PPM1B: variants seen among roughly 807,000 people sequenced by gnomAD.
PPM1B encodes the protein protein phosphatase, Mg2+/Mn2+ dependent 1B.
PPM1B carries 22 observed loss-of-function variants against 43.0 expected under a neutral mutation model. The observed-to-expected ratio is 0.51, with a 90% CI of 0.37 to 0.73. PPM1B has a LOEUF of 0.73. Among genes scored for constraint, PPM1B ranks in the 30% least tolerant of loss-of-function variants. The pLI is 0.00. For missense variants in PPM1B, 632 were observed against 584.2 expected, an observed-to-expected ratio of 1.08 and a Z score of -0.84; for synonymous variants, 217 against 197.9, an observed-to-expected ratio of 1.10 and a Z score of -0.81.
Position 44,170,973 on chromosome 2 carries a change from G to A in PPM1B, c.-15+1699G>A, listed in dbSNP as rs189391176. Reference sequence around the variant, plus strand: ...CTTTTTTTTTGTCTTAATGGTTGTTGTGTTTTCGCCTCTTCATTTGTTTTT... The same window carrying A: ...CTTTTTTTTTGTCTTAATGGTTGTTATGTTTTCGCCTCTTCATTTGTTTTT... On this transcript the variant is annotated intron_variant, in intron 1 of 5. Coordinates refer to ENST00000282412, the MANE Select transcript of PPM1B (RefSeq NM_002706.6). Among the ~76,000 whole-genome samples the A allele has an allele frequency of 2.9e-3, 435 of 151,918 alleles. 2 individuals carry two copies. The highest frequency in any genetic ancestry group is 0.01 in the African/African-American group (423 of 41,424).
downstream of PPM1B, among the ~76,000 whole-genome samples, chr2:44,239,413 T>C (rs1670698683): frequency 6.6e-6 from 1 of 152,100 alleles, no homozygotes; most frequent in Non-Finnish European, 1.5e-5. Flanking sequence ...TTATGCGAGC[T>C]GCAAAACCTC....
intron 5 of PPM1B, among the ~76,000 whole-genome samples, chr2:44,220,119 A>G (rs1558424530): frequency 6.6e-6 from 1 of 152,122 alleles, no homozygotes; most frequent in Non-Finnish European, 1.5e-5. Flanking sequence ...CAGCTAGATT[A>G]TAGATTCTTC....
At chr2:44,180,106 T>G (rs781317936) in intron 1 of PPM1B, among the ~76,000 whole-genome samples, 2 of 151,576 alleles carry the variant, frequency 1.3e-5, no homozygotes, top group Non-Finnish European at 2.9e-5. Context: ...GGAAGGACAG[T>G]ACTTGAATGG....
At chr2:44,191,086 C>G (rs759969378) in intron 1 of PPM1B, among the ~76,000 whole-genome samples, 3 of 152,172 alleles carry the variant, frequency 2.0e-5, no homozygotes, top group African/African-American at 7.2e-5. Context: ...CACTATTTCC[C>G]TAGAAGTAAG....
intron 1 of PPM1B, among the ~76,000 whole-genome samples, chr2:44,184,840 A>G (rs1668046932): frequency 6.6e-6 from 1 of 151,826 alleles, no homozygotes; most frequent in South Asian, 2.1e-4. Context: ...TCAATGTAGT[A>G]TAGCAATACT....
intron 1 of PPM1B, among the ~76,000 whole-genome samples, chr2:44,172,481 G>C (rs530290429): frequency 1.4e-4 from 21 of 152,284 alleles, no homozygotes; most frequent in African/African-American, 5.1e-4. Context: ...AACAAGAACA[G>C]GTGAAGAAAA....
At chr2:44,232,341 G>T, downstream of PPM1B, 1 of 1,605,192 alleles carries the variant, frequency 6.2e-7, no homozygotes, top group Non-Finnish European at 8.5e-7. Context: ...GAAGACCCAT[G>T]GTAGCCTTAA....
intron 1 of PPM1B, among the ~76,000 whole-genome samples, chr2:44,198,183 C>T (rs1230142550): frequency 3.9e-5 from 6 of 152,068 alleles, no homozygotes; most frequent in Admixed American, 6.5e-5. Flanking sequence ...GTTTTTGAGA[C>T]GGAGTCTTGC....
Position 44,169,059 on chromosome 2 carries a change from G to A in PPM1B, c.-230G>A. 5.9e-6 allele frequency: 1 copy of A among 168,220 alleles called. No individual in the cohort carries two copies. The highest frequency in any genetic ancestry group is 1.8e-4 in the East Asian group (1 of 5,494). 10.4% of individuals were successfully genotyped at this position (168,220 alleles called of 1,614,324 possible). Reference sequence around the variant, plus strand: ...TGCGGCGGAGGAGGTGGCGGCGGCCGAATCGGCAACGGCGCTAGGGTGGAG... The same window carrying A: ...TGCGGCGGAGGAGGTGGCGGCGGCCAAATCGGCAACGGCGCTAGGGTGGAG... On this transcript the variant is annotated 5_prime_UTR_variant, in exon 1 of 6. Coordinates refer to ENST00000282412, the MANE Select transcript of PPM1B (RefSeq NM_002706.6).
chr2:44,196,026 A>G (rs541946557), intron 1 of PPM1B, among the ~76,000 whole-genome samples: 25 of 152,296 alleles, frequency 1.6e-4, no homozygotes, highest in Middle Eastern at 3.4e-3. Flanking sequence ...CAGTATTTGT[A>G]TGCAGTAATA....
intron 3 of PPM1B, among the ~76,000 whole-genome samples, chr2:44,210,450 A>T (rs999560658): frequency 5.3e-5 from 8 of 151,878 alleles, no homozygotes; most frequent in Non-Finnish European, 2.9e-5. Context: ...AAACTCCTGG[A>T]CTCAAGCAGT....
At chr2:44,198,438 G>T (rs1668767024) in intron 1 of PPM1B, among the ~76,000 whole-genome samples, 1 of 152,226 alleles carries the variant, frequency 6.6e-6, no homozygotes, top group Non-Finnish European at 1.5e-5. Context: ...TGGGATTACA[G>T]GCATGAGCCA....
intron 3 of PPM1B, among the ~76,000 whole-genome samples, chr2:44,209,899 G>GAGA (rs975855462): frequency 7.4e-4 from 112 of 152,260 alleles, no homozygotes; most frequent in African/African-American, 2.4e-3. Flanking sequence ...GATTGACAGG[G>GAGA]AGAAGACAAA....
At chr2:44,195,459 GCTAGGCGTCCCAA>G (rs1558403362) in intron 1 of PPM1B, among the ~76,000 whole-genome samples, 1 of 151,520 alleles carries the variant, frequency 6.6e-6, no homozygotes, top group East Asian at 2.0e-4. Context: ...GATCCTCCCA[GCTAGGCGTCCCAA>G]AGTGCTTGGA....
chr2:44,208,494 C>T (rs1008398270), intron 2 of PPM1B, among the ~76,000 whole-genome samples: 1 of 151,900 alleles, frequency 6.6e-6, no homozygotes, highest in African/African-American at 2.4e-5. Flanking sequence ...GGGTGGATCA[C>T]CTGAGGTCAG....
downstream of PPM1B, among the ~76,000 whole-genome samples, chr2:44,235,170 C>G (rs1670576436): frequency 6.6e-6 from 1 of 152,216 alleles, no homozygotes; most frequent in Non-Finnish European, 1.5e-5. Flanking sequence ...TTAAAATCCA[C>G]TGGGTCTGTC....
chr2:44,172,210 G>C (rs568567793), intron 1 of PPM1B, among the ~76,000 whole-genome samples: 1 of 151,964 alleles, frequency 6.6e-6, no homozygotes, highest in African/African-American at 2.4e-5. Flanking sequence ...ATTTCTTTTT[G>C]TTTTTCCCTT....
At chr2:44,232,556 T>C (rs1027344149), downstream of PPM1B, 112 of 1,404,140 alleles carry the variant, frequency 8.0e-5, no homozygotes, top group Middle Eastern at 1.1e-3. Context: ...ACAGTATTTT[T>C]TGCCAACCTC....
intron 2 of PPM1B, among the ~76,000 whole-genome samples, chr2:44,207,255 T>G (rs920987721): frequency 1.3e-5 from 2 of 152,186 alleles, no homozygotes; most frequent in African/African-American, 4.8e-5. Flanking sequence ...CTGAAAGGCA[T>G]AAGTCTGAAC....
Sources: gnomAD v4.1 joint callset for allele counts (sites outside exome capture counted in the v4.1 genomes callset) on GRCh38, gnomAD v4.1.1 for gene constraint, MANE v1.5 for transcripts, NCBI Gene and HGNC (gene_info 2026-07-23, HGNC 2026-07-21) for gene names.